Variants in NT5C1A observed in about 807,000 individuals in gnomAD.
NT5C1A encodes cytosolic 5'-nucleotidase 1A.
In NT5C1A, 18 loss-of-function variants were observed where a neutral mutation model predicts 31.0. That is an observed-to-expected ratio of 0.58 (90% CI 0.40 to 0.86). The LOEUF is 0.86. Among genes scored for constraint, NT5C1A ranks in the 40% least tolerant of loss-of-function variants. NT5C1A has a pLI of 0.00. For missense variants in NT5C1A, 470 were observed against 505.4 expected (o/e 0.93, Z 0.67); for synonymous variants, 185 against 203.6 (o/e 0.91, Z 0.78).
In NT5C1A at chr1:39,652,030, C is replaced by CAAAAAAAAAAAAAAAAAA. The variant is rs61024293; in HGVS notation, c.*7073_*7090dup. ...TGAGTGACAGAGCAAGACTCCGTCT[C>CAAAAAAAAAAAAAAAAAA]AAAAAAAAAAAAAAAAAAAAAAAAA... On this transcript the variant is annotated 3_prime_UTR_variant, in exon 6 of 6. Coordinates refer to ENST00000235628, the MANE Select transcript of NT5C1A (RefSeq NM_032526.3). 2.6e-5 allele frequency among the ~76,000 whole-genome samples: 1 copy of CAAAAAAAAAAAAAAAAAA among 37,804 alleles called. No individual in the cohort carries two copies. The highest frequency in any genetic ancestry group is 5.4e-5 in the Non-Finnish European group (1 of 18,464). 24.8% of individuals were successfully genotyped at this position (37,804 alleles called of 152,430 possible).
intron 1 of NT5C1A, among the ~76,000 whole-genome samples, chr1:39,669,912 A>G (rs574663261): frequency 6.6e-6 from 1 of 152,314 alleles, no homozygotes; most frequent in South Asian, 2.1e-4. Context: ...TAATCCCCTG[A>G]TGAAAAATCC....
At chr1:39,661,325 A>G (rs749427212) in intron 4 of NT5C1A, 62 bp from the exon 5 acceptor site, 1 of 832,642 alleles carries the variant, frequency 1.2e-6, no homozygotes, top group East Asian at 2.5e-5. Flanking sequence ...AGAGTGGGCT[A>G]TCTTAGGCTA....
chr1:39,658,591 C>A lies in NT5C1A; in HGVS notation c.*530G>T, dbSNP rs968973508. ...CCATACATACCAGCAGCAGCACTGA[C>A]ACAGAATGCTTCCTTCTAAGAGGGC... On this transcript the variant is annotated 3_prime_UTR_variant, in exon 6 of 6. Coordinates refer to ENST00000235628, the MANE Select transcript of NT5C1A (RefSeq NM_032526.3). Among the ~76,000 whole-genome samples, 39 of 152,324 alleles carry A rather than the reference C, an allele frequency of 2.6e-4. 1 individual carries two copies. Among genetic ancestry groups the A allele is most frequent in the African/African-American group, 8.2e-4 (34 of 41,570 alleles).
intron 3 of NT5C1A, 89 bp from the exon 4 acceptor site, chr1:39,663,523 T>C: frequency 7.2e-7 from 1 of 1,385,290 alleles, no homozygotes; most frequent in Admixed American, 1.9e-5. Flanking sequence ...ACCATCCTAG[T>C]TCTGGGTGTG....
rs1646490989 is a variant in NT5C1A, at chr1:39,661,116, T to C, written c.704A>G (p.Glu235Gly). 6.3e-7 allele frequency: 1 copy of C among 1,591,240 alleles called. No homozygotes were observed. Among genetic ancestry groups the C allele is most frequent in the Non-Finnish European group, 8.6e-7 (1 of 1,161,378 alleles). The change falls in exon 5 of 6, where the codon GAG becomes GGG. Residue 235 changes from glutamate to glycine, a missense_variant. Coordinates refer to ENST00000235628, the MANE Select transcript of NT5C1A (RefSeq NM_032526.3). ...VKAHGLDRFF[E>G]HEKAHENKPL... ...TTTGTTCTCGTGGGCCTTCTCATGC[T>C]CGAAGAATCGGTCCAGCCCGTGGGC...
intron 4 of NT5C1A, among the ~76,000 whole-genome samples, chr1:39,661,904 G>A (rs575084582): frequency 4.6e-5 from 7 of 152,326 alleles, no homozygotes; most frequent in African/African-American, 1.7e-4. Context: ...TGACACCCAG[G>A]TATGCCCTGC....
At chr1:39,666,783 C>G (rs1238556009) in intron 1 of NT5C1A, among the ~76,000 whole-genome samples, 1 of 152,194 alleles carries the variant, frequency 6.6e-6, no homozygotes, top group Non-Finnish European at 1.5e-5. Flanking sequence ...CTTCTCCCCT[C>G]CCAAACCTGA....
At chr1:39,666,843 T>G (rs1646526665) in intron 1 of NT5C1A, among the ~76,000 whole-genome samples, 1 of 152,194 alleles carries the variant, frequency 6.6e-6, no homozygotes, top group Non-Finnish European at 1.5e-5. Context: ...TATCCACTCA[T>G]TACTGAAGCA....
chr1:39,671,581 G>A (rs1480131403), intron 1 of NT5C1A, among the ~76,000 whole-genome samples: 1 of 152,244 alleles, frequency 6.6e-6, no homozygotes, highest in East Asian at 1.9e-4. Context: ...AAGCGCTGCG[G>A]ACCAGCTTCG....
rs1646461780 is a variant in NT5C1A, at chr1:39,656,943, C to T, written c.*2178G>A. Among the ~76,000 whole-genome samples the T allele has an allele frequency of 6.6e-6, 1 of 152,184 alleles. No homozygotes were observed. Among genetic ancestry groups the T allele is most frequent in the Non-Finnish European group, 1.5e-5 (1 of 68,032 alleles). ...TTGTTTCCTTGAGGTTGTTCTTGGC[C>T]CTCACAGTACCTCTGTCTAGGCTTG... On this transcript the variant is annotated 3_prime_UTR_variant, in exon 6 of 6. Coordinates refer to ENST00000235628, the MANE Select transcript of NT5C1A (RefSeq NM_032526.3).
At chr1:39,668,536 CAGAAAG>C (rs1362227091) in intron 1 of NT5C1A, among the ~76,000 whole-genome samples, 1 of 152,178 alleles carries the variant, frequency 6.6e-6, no homozygotes, top group African/African-American at 2.4e-5. Context: ...GAAACAGGCC[CAGAAAG>C]GGGCCTGTTA....
Position 39,657,680 on chromosome 1 carries a change from G to A in NT5C1A, c.*1441C>T, listed in dbSNP as rs771360800. Among the ~76,000 whole-genome samples, 2 of 152,184 alleles carry A rather than the reference G, an allele frequency of 1.3e-5. No individual in the cohort carries two copies. Among genetic ancestry groups the A allele is most frequent in the African/African-American group, 2.4e-5 (1 of 41,440 alleles). ...TCTCCTCTGAAAGTGGTGAAGAAGG[G>A]GCCGCAGGGGCTCTTGCAAATGTGG... On this transcript the variant is annotated 3_prime_UTR_variant, in exon 6 of 6. Transcript: ENST00000235628.
rs1224298971 is a variant in NT5C1A at position 39,658,579 on chromosome 1, C to A, written c.*542G>T. Among the ~76,000 whole-genome samples the A allele has an allele frequency of 2.0e-5, 3 of 152,222 alleles. No individual in the cohort carries two copies. Among genetic ancestry groups the A allele is most frequent in the Non-Finnish European group, 4.4e-5 (3 of 68,044 alleles). On this transcript the variant is annotated 3_prime_UTR_variant, in exon 6 of 6. Transcript: ENST00000235628. ...TGCACAAAGGTGCCATACATACCAG[C>A]AGCAGCACTGACACAGAATGCTTCC...
chr1:39,666,630 C>T (rs556498878), intron 1 of NT5C1A, among the ~76,000 whole-genome samples: 15 of 152,294 alleles, frequency 9.8e-5, no homozygotes, highest in African/African-American at 3.6e-4. Flanking sequence ...AGAAATGATG[C>T]CCATAAATAT....
chr1:39,666,211 A>G lies in NT5C1A; in HGVS notation c.161T>C (p.Ile54Thr). 1.2e-6 allele frequency: 2 copies of G among 1,613,458 alleles called. No homozygotes were observed. Among genetic ancestry groups the G allele is most frequent in the Non-Finnish European group, 1.7e-6 (2 of 1,179,938 alleles). ...KSPKPQNAVT[I>T]AVSSRALFRM... ...AAACAAGGCTCGGGAGGACACAGCG[A>G]TGGTGACTGCATTCTGAGGCTTGGG... The change falls in exon 2 of 6, where the codon ATC becomes ACC. Residue 54 changes from isoleucine (I) to threonine (T), a missense_variant. By Grantham distance (89) the Ile-to-Thr change is moderately conservative. Transcript: ENST00000235628.
At chr1:39,661,056 G>A in intron 5 of NT5C1A, 23 bp downstream of exon 5, 2 of 1,482,972 alleles carry the variant, frequency 1.3e-6, no homozygotes, top group Non-Finnish European at 9.4e-7. Flanking sequence ...TCCTCTCAGG[G>A]GTTCTGGGTC....
intron 4 of NT5C1A, among the ~76,000 whole-genome samples, chr1:39,661,583 C>A (rs1348940367): frequency 6.6e-6 from 1 of 152,176 alleles, no homozygotes; most frequent in Non-Finnish European, 1.5e-5. Flanking sequence ...TATTTACCAA[C>A]CAGGGTGAAG....
chr1:39,653,062 C>T lies in NT5C1A; in HGVS notation c.*6059G>A, dbSNP rs946847179. 2.0e-5 allele frequency among the ~76,000 whole-genome samples: 3 copies of T among 152,148 alleles called. No homozygotes were observed. Among genetic ancestry groups the T allele is most frequent in the Admixed American group, 6.5e-5 (1 of 15,276 alleles). ...AGTGCACAATCTGCCCAACTGGACACGTTGGCCTTGGCACTGTTAGGGGGA... is the reference window on the plus strand; with the variant it reads ...AGTGCACAATCTGCCCAACTGGACATGTTGGCCTTGGCACTGTTAGGGGGA... On this transcript the variant is annotated 3_prime_UTR_variant, in exon 6 of 6. Transcript: ENST00000235628.
At chr1:39,666,363 C>G (rs576830465) in intron 1 of NT5C1A, 127 bp from the exon 2 acceptor site, 1 of 894,486 alleles carries the variant, frequency 1.1e-6, no homozygotes, top group South Asian at 1.7e-5. Flanking sequence ...CTAAAGAGGC[C>G]CAGCCTTGAG....
Sources: gnomAD v4.1 joint callset for allele counts (sites outside exome capture counted in the v4.1 genomes callset) on GRCh38, gnomAD v4.1.1 for gene constraint, MANE v1.5 for transcripts, NCBI Gene and HGNC (gene_info 2026-07-23, HGNC 2026-07-21) for gene names.